The following PVT1 variants were observed in gnomAD, a reference collection of about 807,000 sequenced individuals.
The protein encoded by PVT1 is Pvt1 oncogene.
intron 3 of PVT1, among the ~76,000 whole-genome samples, chr8:127,973,290 G>C (rs537315871): frequency 6.6e-6 from 1 of 152,224 alleles, no homozygotes; most frequent in Admixed American, 6.5e-5. Flanking sequence ...AATGACAGGG[G>C]TACATAGGAA....
Position 127,880,085 on chromosome 8 carries a change from C to T in PVT1, n.373-10504C>T, listed in dbSNP as rs372084490. ...TCCTGTTCCTCAGCTTCTGCCAGCCCGCCAGGGCAACCTGGTTATCAACAA... is the reference window on the plus strand; with the variant it reads ...TCCTGTTCCTCAGCTTCTGCCAGCCTGCCAGGGCAACCTGGTTATCAACAA... On this transcript the variant is annotated intron_variant and non_coding_transcript_variant, in intron 2 of 10. Coordinates refer to ENST00000651587, the Ensembl canonical transcript of PVT1. Among the ~76,000 whole-genome samples the T allele has an allele frequency of 3.9e-5, 6 of 151,908 alleles. No homozygotes were observed. The South Asian group carries it at 1.2e-3, about 31-fold the overall frequency.
intron 4 of PVT1, among the ~76,000 whole-genome samples, chr8:128,012,278 C>A (rs537422105): frequency 6.6e-6 from 1 of 152,256 alleles, no homozygotes; most frequent in South Asian, 2.1e-4. Flanking sequence ...GGACCTGGGT[C>A]TCTACTGTAC....
intron 4 of PVT1, among the ~76,000 whole-genome samples, chr8:127,998,696 CTTCTTTCT>C (rs753563948): frequency 1.6e-5 from 2 of 124,318 alleles, no homozygotes; most frequent in Admixed American, 9.2e-5. Context: ...TCTTTTCTTT[CTTCTTTCT>C]TTCTTTCTTT....
chr8:127,899,481 T>C (rs537578001), intron 3 of PVT1, among the ~76,000 whole-genome samples: 1 of 152,224 alleles, frequency 6.6e-6, no homozygotes, highest in Admixed American at 6.5e-5. Context: ...TGGCTCCCCG[T>C]CTCTCAATGG....
intron 5 of PVT1, among the ~76,000 whole-genome samples, chr8:128,087,747 C>CTCTTTTTTTTTTTTTTTTTTTT (rs1814276977): frequency 1.3e-5 from 1 of 76,610 alleles, no homozygotes; most frequent in African/African-American, 4.9e-5. Flanking sequence ...TGATGTGCTA[C>CTCTTTTTTTTTTTTTTTTTTTT]TTTTTTTTTT....
At chr8:127,880,202 A>G (rs1315088093) in intron 2 of PVT1, among the ~76,000 whole-genome samples, 3 of 152,196 alleles carry the variant, frequency 2.0e-5, no homozygotes, top group Non-Finnish European at 2.9e-5. Flanking sequence ...TTCATGTTTG[A>G]TATGATTTCT....
At chr8:127,998,771 CCTTCCTTCCTTT>C (rs1817138162) in intron 4 of PVT1, among the ~76,000 whole-genome samples, 4 of 142,328 alleles carry the variant, frequency 2.8e-5, no homozygotes, top group South Asian at 4.6e-4. Flanking sequence ...CCTTCCTTTT[CCTTCCTTCCTTT>C]CTTCCTTCCT....
In PVT1 at chr8:127,977,220, A is replaced by G. The variant is rs889003703; in HGVS notation, n.783-11942A>G. On this transcript the variant is annotated intron_variant and non_coding_transcript_variant, in intron 3 of 10. Transcript: ENST00000651587. ...TTCTCCAGGTATCACCCTCAGAAAT[A>G]AGGATGTGCAGTAGGTCTGGTGGGC... is the stretch of plus-strand genomic sequence containing the variant. 6.6e-5 allele frequency among the ~76,000 whole-genome samples: 10 copies of G among 152,176 alleles called. No individual in the cohort carries two copies. The South Asian group carries it at 1.0e-3, about 16-fold the overall frequency.
At chr8:127,891,126 A>T (rs1478279182) in intron 3 of PVT1, 1 of 152,148 alleles carries the variant, frequency 6.6e-6, no homozygotes, top group Non-Finnish European at 1.5e-5. Flanking sequence ...GACAGATGGA[A>T]CTAAAGAGGT....
At chr8:127,915,993 C>T (rs1815980279) in intron 3 of PVT1, among the ~76,000 whole-genome samples, 1 of 152,252 alleles carries the variant, frequency 6.6e-6, no homozygotes, top group Non-Finnish European at 1.5e-5. Flanking sequence ...GTCAATCCCA[C>T]CCTGGCCACT....
At chr8:128,051,823 C>A (rs1452825484) in intron 4 of PVT1, among the ~76,000 whole-genome samples, 2 of 152,008 alleles carry the variant, frequency 1.3e-5, no homozygotes. Context: ...TGAACTTCTA[C>A]TTTGTTTATG....
At chr8:127,824,886 G>A (rs1455358640) in intron 2 of PVT1, among the ~76,000 whole-genome samples, 6 of 152,238 alleles carry the variant, frequency 3.9e-5, no homozygotes, top group African/African-American at 1.2e-4. Context: ...TTGGGAGGCC[G>A]AGGTGGGTGG....
rs114328306 is a variant in PVT1 at position 128,018,235 on chromosome 8, A to G, written n.912+28944A>G. Among the ~76,000 whole-genome samples, 773 of 152,322 alleles carry G rather than the reference A, an allele frequency of 5.1e-3. 5 individuals carry two copies. Among genetic ancestry groups the G allele is most frequent in the African/African-American group, 0.017 (708 of 41,562 alleles). ...ATTGTTCAAATGGCATGATGATATT[A>G]TAAGGAAAGAAAAAGATGTTATAAA... On this transcript the variant is annotated intron_variant and non_coding_transcript_variant, in intron 4 of 10. Coordinates refer to ENST00000651587, the Ensembl canonical transcript of PVT1.
intron 3 of PVT1, among the ~76,000 whole-genome samples, chr8:127,894,489 T>C (rs1815649009): frequency 6.6e-6 from 1 of 152,218 alleles, no homozygotes; most frequent in Non-Finnish European, 1.5e-5. Context: ...AGCTGGTGTT[T>C]GCAGTCCCAT....
chr8:128,015,728 A>G (rs1232450198), intron 4 of PVT1, among the ~76,000 whole-genome samples: 4 of 141,796 alleles, frequency 2.8e-5, no homozygotes, highest in Admixed American at 7.6e-5. Flanking sequence ...AGCCAAGATC[A>G]CGCCACTGCA....
chr8:128,092,895 C>T lies in PVT1; in HGVS notation n.1115-3623C>T, dbSNP rs535840376. 6.6e-5 allele frequency among the ~76,000 whole-genome samples: 10 copies of T among 152,282 alleles called. 1 individual carries two copies. Among genetic ancestry groups the T allele is most frequent in the African/African-American group, 1.9e-4 (8 of 41,560 alleles). ...CTGCCATCTATTCAGTCTTCCATCC[C>T]GCTCTCTGGGGCTTTATTCTTTCTG... On this transcript the variant is annotated intron_variant and non_coding_transcript_variant, in intron 5 of 10. Coordinates refer to ENST00000651587, the Ensembl canonical transcript of PVT1.
At chr8:127,886,784 A>G (rs1270527077) in intron 2 of PVT1, among the ~76,000 whole-genome samples, 1 of 152,196 alleles carries the variant, frequency 6.6e-6, no homozygotes. Flanking sequence ...TCATCTCAGG[A>G]TCATGGGGAC....
chr8:128,068,745 G>A (rs1249936987), intron 4 of PVT1, among the ~76,000 whole-genome samples: 3 of 152,172 alleles, frequency 2.0e-5, no homozygotes, highest in Admixed American at 6.5e-5. Flanking sequence ...ACCTGTCTCG[G>A]CCTCTCAAAG....
At chr8:127,868,869 T>C (rs80100916) in intron 2 of PVT1, among the ~76,000 whole-genome samples, 1,382 of 122,316 alleles carry the variant, frequency 0.011, 25 homozygotes, top group African/African-American at 0.04. Flanking sequence ...CTTTAAGAAT[T>C]ACTTAAAATT....
Sources: gnomAD v4.1 joint callset for allele counts (sites outside exome capture counted in the v4.1 genomes callset) on GRCh38, gnomAD v4.1.1 for gene constraint, MANE v1.5 for transcripts, NCBI Gene and HGNC (gene_info 2026-07-23, HGNC 2026-07-21) for gene names.